Variants in CC2D1B observed in about 807,000 individuals in gnomAD.
CC2D1B encodes the protein coiled-coil and C2 domain-containing protein 1B.
CC2D1B carries 92 observed loss-of-function variants against 110.8 expected under a neutral mutation model. The ratio of observed to expected loss-of-function variants is 0.83; its 90% CI spans 0.70 to 0.99. The LOEUF is 0.99. CC2D1B is among the 50% of genes least tolerant of loss of function. The probability of loss-of-function intolerance (pLI) is 0.00; values close to 1 mark genes in which losing one functional copy is unlikely to be tolerated. For missense variants in CC2D1B, 1,136 were observed against 1,089.0 expected, an observed-to-expected ratio of 1.04 and a Z score of -0.61; for synonymous variants, 406 against 429.2, an observed-to-expected ratio of 0.95 and a Z score of 0.67.
At chr1:52,360,808 G>A in intron 5 of CC2D1B, 166 bp downstream of exon 5, 1 of 966,136 alleles carries the variant, frequency 1.0e-6, no homozygotes, top group Non-Finnish European at 1.5e-6. Flanking sequence ...TTTGAGGCTG[G>A]CTGCCACGGA....
Position 52,359,540 on chromosome 1 carries a change from G to C in CC2D1B, c.943-6C>G, listed in dbSNP as rs1569855481. On this transcript the variant is annotated splice_region_variant and splice_polypyrimidine_tract_variant and intron_variant, in intron 8 of 24. Transcript: ENST00000284376. ...TCCAGGACAGCACCGAATCTCTGCA[G>C]AAGTTGGAAAAGCAGGTGTGGGTGA... is the stretch of plus-strand genomic sequence containing the variant. 1.9e-6 allele frequency: 3 copies of C among 1,613,262 alleles called. No homozygotes were observed. The highest frequency in any genetic ancestry group is 1.7e-5 in the Admixed American group (1 of 59,972).
Position 52,352,935 on chromosome 1 carries a change from G to GGACT in CC2D1B, c.*286_*289dup. The GGACT allele has an allele frequency of 3.3e-6, 1 of 298,570 alleles. No individual in the cohort carries two copies. Among genetic ancestry groups the GGACT allele is most frequent in the South Asian group, 2.9e-5 (1 of 34,206 alleles). 18.5% of individuals were successfully genotyped at this position (298,570 alleles called of 1,614,324 possible). A position where few individuals can be genotyped will look rare whatever the true frequency, so the allele number is the denominator to read the frequency against. On this transcript the variant is annotated 3_prime_UTR_variant, in exon 25 of 25. Transcript: ENST00000284376. ...GCCACGCAGGGGTTAAGGGGCTGCA[G>GGACT]GACTCCATGGTACAGAGGAATGGAA...
chr1:52,362,227 T>A (rs1338716497), intron 3 of CC2D1B, among the ~76,000 whole-genome samples: 1 of 152,156 alleles, frequency 6.6e-6, no homozygotes, highest in African/African-American at 2.4e-5. Context: ...AGGCCTGAAG[T>A]CTCTGTTCTC....
Position 52,359,908 on chromosome 1 carries a change from G to A in CC2D1B, c.764-25C>T, listed in dbSNP as rs748807316. 7 of 1,599,982 alleles carry A rather than the reference G, an allele frequency of 4.4e-6. No homozygotes were observed. The Admixed American group carries it at 6.9e-5, about 16-fold the overall frequency. ...TCTATAAGGAAACAAACAGTCCCCA[G>A]AGAGCACATGAGGGTCACAGAAGAA... On this transcript the variant is annotated intron_variant, in intron 7 of 24. Transcript: ENST00000284376.
rs749644041 is a variant in CC2D1B, at chr1:52,353,623, C to G, written c.2455G>C (p.Gly819Arg). ...CTCACCTTCACCTCCAGCTTCCCCC[C>G]GGTGGGCTTCCTTCCATCCAGGACC... ...VEVLDGRKPT[G>R]GKLEVKVRLR... Residue 819 changes from glycine to arginine, a missense_variant, in exon 24 of 25, where the codon GGG becomes CGG. Coordinates refer to ENST00000284376, the MANE Select transcript of CC2D1B (RefSeq NM_001330585.2). The G allele has an allele frequency of 1.2e-6, 2 of 1,607,986 alleles. No homozygotes were observed. The highest frequency in any genetic ancestry group is 1.7e-6 in the Non-Finnish European group (2 of 1,177,024).
rs753935539 is a variant in CC2D1B at position 52,358,469 on chromosome 1, A to G, written c.1331-8T>C. On this transcript the variant is annotated splice_polypyrimidine_tract_variant and splice_region_variant and intron_variant, in intron 12 of 24. Transcript: ENST00000284376. The stretch of plus-strand genomic sequence containing the variant: ...CAGGGATGGGGGGAAATCCTGTGGG[A>G]GAGAGACAGCATGGGAGGGGCAGGG... 3 of 1,613,316 alleles carry G rather than the reference A, an allele frequency of 1.9e-6. No homozygotes were observed. The highest frequency in any genetic ancestry group is 1.7e-5 in the Admixed American group (1 of 59,998).
Position 52,356,367 on chromosome 1 carries a change from C to G in CC2D1B, c.1937+17G>C. On this transcript the variant is annotated intron_variant, in intron 17 of 24. Coordinates refer to ENST00000284376, the MANE Select transcript of CC2D1B (RefSeq NM_001330585.2). ...TGCTCCCCACCCTATGAGCCCAGCC[C>G]CAGCCCTTGCACTTACCGGGTGGTC... 1 of 1,614,198 alleles carries G rather than the reference C, an allele frequency of 6.2e-7. No homozygotes were observed. The highest frequency in any genetic ancestry group is 1.7e-5 in the Admixed American group (1 of 60,022).
In CC2D1B at chr1:52,362,740, G is replaced by A; in HGVS notation, c.76C>T (p.Leu26Phe). ...TCCTCAGGGCCAAACTCCATAAAGA[G>A]CCCCATCTGAGAGCAGAGCAGGACT... ...QGVAAAKQMG[L>F]FMEFGPEDML... Residue 26 changes from leucine to phenylalanine, a missense_variant, in exon 3 of 25, where the codon CTC becomes TTC. Leu to Phe is a conservative substitution (Grantham distance 22). Coordinates refer to ENST00000284376, the MANE Select transcript of CC2D1B (RefSeq NM_001330585.2). The A allele has an allele frequency of 1.2e-6, 2 of 1,613,994 alleles. No homozygotes were observed. Among genetic ancestry groups the A allele is most frequent in the Non-Finnish European group, 1.7e-6 (2 of 1,179,996 alleles).
At position 52,357,444 on chromosome 1, in the gene CC2D1B, C is replaced by G; in HGVS notation, c.1752+82G>C. 4.2e-6 allele frequency: 6 copies of G among 1,413,528 alleles called. No homozygotes were observed. In the South Asian group the frequency reaches 6.8e-5, roughly 16 times the overall value. 87.6% of individuals were successfully genotyped at this position (1,413,528 alleles called of 1,614,324 possible). A position where few individuals can be genotyped will look rare whatever the true frequency, so the allele number is the denominator to read the frequency against. ...TCCAAACCCTGCCTCATCCCAGAAGCTGCCCTTGTTCACAGCCTGTCAAGC... is the reference window on the plus strand; with the variant it reads ...TCCAAACCCTGCCTCATCCCAGAAGGTGCCCTTGTTCACAGCCTGTCAAGC... On this transcript the variant is annotated intron_variant, in intron 15 of 24. Coordinates refer to ENST00000284376, the MANE Select transcript of CC2D1B (RefSeq NM_001330585.2).
intron 2 of CC2D1B, among the ~76,000 whole-genome samples, chr1:52,363,250 C>CCGGGCGCGGTGG (rs1437213141): frequency 6.6e-6 from 1 of 152,066 alleles, no homozygotes; most frequent in African/African-American, 2.4e-5. Flanking sequence ...AAAAAATTAG[C>CCGGGCGCGGTGG]CGGGCGCGGT....
In CC2D1B at chr1:52,354,635, A is replaced by T. The variant is rs760652283; in HGVS notation, c.2403T>A (p.Asn801Lys). 4 of 1,614,038 alleles carry T rather than the reference A, an allele frequency of 2.5e-6. No individual in the cohort carries two copies. In the African/African-American group the frequency reaches 5.3e-5, roughly 22 times the overall value. Residue 801 changes from asparagine to lysine, a missense_variant, in exon 23 of 25, where the codon AAT becomes AAA. By Grantham distance (94) the Asn-to-Lys change is moderately conservative. Transcript: ENST00000284376. The part of the protein sequence containing the change: ...TAHLKLERLE[N>K]ECEIREIVEV... ...CCACAATTTCTCTGATCTCACACTCATTCTCCAGCCGCTCCAGTTTCAGGT... is the reference window on the plus strand; with the variant it reads ...CCACAATTTCTCTGATCTCACACTCTTTCTCCAGCCGCTCCAGTTTCAGGT...
intron 2 of CC2D1B, 40 bp from the exon 3 acceptor site, chr1:52,362,786 C>G: frequency 1.2e-6 from 2 of 1,609,824 alleles, no homozygotes; most frequent in Non-Finnish European, 1.7e-6. Flanking sequence ...ACACAACAAG[C>G]AGGGTAGGGT....
chr1:52,354,394 A>T, intron 23 of CC2D1B: 1 of 697,912 alleles, frequency 1.4e-6, no homozygotes, highest in Non-Finnish European at 2.6e-6. Context: ...CATGGAAACA[A>T]GGAGGCTGCC....
chr1:52,357,587 G>A lies in CC2D1B; in HGVS notation c.1691C>T (p.Ala564Val), dbSNP rs375600833. 9.5e-6 allele frequency: 15 copies of A among 1,585,644 alleles called. No homozygotes were observed. In the East Asian group the frequency reaches 3.2e-4, roughly 34 times the overall value. The change falls in exon 15 of 25, where the codon GCC (alanine) becomes GTC (valine). Residue 564 changes from alanine to valine, a missense_variant. Transcript: ENST00000284376. ...LEQAKAYLRV[A>V]KWLEAQIIQA... ...GATGATCTGAGCCTCAAGCCATTTG[G>A]CTACCCGCAGATAGGCTTTGGCCTG... is the stretch of plus-strand genomic sequence containing the variant.
In CC2D1B at chr1:52,353,570, A is replaced by G. The variant is rs770210325; in HGVS notation, c.2508T>C (p.Asp836=). ...VRLREPLSGQ[D]VQMVTENWLV... is the part of the protein sequence containing the mutation. ...GCCAGTTCTCAGTGACCATCTGCAC[A>G]TCCTGGCCACTCAGAGGCTCCCGCA... is the stretch of plus-strand genomic sequence containing the variant. The change falls in exon 24 of 25, where the codon GAT becomes GAC. Residue 836 remains aspartate (D), a synonymous_variant. Coordinates refer to ENST00000284376, the MANE Select transcript of CC2D1B (RefSeq NM_001330585.2). 1.9e-6 allele frequency: 3 copies of G among 1,614,058 alleles called. No individual in the cohort carries two copies. The South Asian group carries it at 3.3e-5, about 18-fold the overall frequency.
intron 3 of CC2D1B, 49 bp downstream of exon 3, chr1:52,362,553 T>A: frequency 6.2e-7 from 1 of 1,610,522 alleles, no homozygotes; most frequent in Non-Finnish European, 8.5e-7. Flanking sequence ...ACCACCAGCC[T>A]GTGCCCATCT....
chr1:52,353,343 T>C, intron 24 of CC2D1B, 120 bp from the exon 25 acceptor site: 1 of 1,491,734 alleles, frequency 6.7e-7, no homozygotes, highest in East Asian at 2.4e-5. Context: ...GAAGGTTACC[T>C]TCTCTTCCCA....
chr1:52,356,882 G>T, intron 16 of CC2D1B, 119 bp downstream of exon 16: 1 of 1,217,040 alleles, frequency 8.2e-7, no homozygotes, highest in Non-Finnish European at 1.1e-6. Context: ...AAGTCACACA[G>T]TGAGTAAGTG....
rs879518965 is a variant in CC2D1B at position 52,357,506 on chromosome 1, GT to G, written c.1752+19del. ...CACCTCCGCCTGAGAAGTCCTGGTG[GT>G]TAACCAGGTGGGACTCACCTTGGAC... On this transcript the variant is annotated intron_variant, in intron 15 of 24. Transcript: ENST00000284376. 9.6e-6 allele frequency: 15 copies of G among 1,556,972 alleles called. No individual in the cohort carries two copies. The highest frequency in any genetic ancestry group is 1.3e-5 in the Non-Finnish European group (15 of 1,148,108).
Sources: allele counts gnomAD v4.1 joint callset (sites outside exome capture counted in the v4.1 genomes callset), GRCh38; gene constraint gnomAD v4.1.1; transcripts MANE v1.5; gene names NCBI Gene and HGNC (gene_info 2026-07-23, HGNC 2026-07-21).